RGS6: variants seen among roughly 807,000 people sequenced by gnomAD.
The protein encoded by RGS6 is regulator of G protein signaling 6.
RGS6 carries 30 observed loss-of-function variants against 78.5 expected under a neutral mutation model. That is an observed-to-expected ratio of 0.38 (90% CI 0.29 to 0.52). The LOEUF is 0.52. Ranked by LOEUF, RGS6 falls within the 20% of genes least tolerant of loss-of-function variation. The probability of loss-of-function intolerance (pLI) is 0.85; values close to 1 mark genes in which losing one functional copy is unlikely to be tolerated. For missense variants in RGS6, 495 were observed against 609.7 expected (o/e 0.81, Z 1.98); for synonymous variants, 206 against 206.0 (o/e 1.00, Z 0.00).
At chr14:72,074,895 A>G (rs1192520777) in intron 2 of RGS6, among the ~76,000 whole-genome samples, 1 of 152,232 alleles carries the variant, frequency 6.6e-6, no homozygotes, top group Non-Finnish European at 1.5e-5. Flanking sequence ...TTTTGTCTTC[A>G]GCTGTCAATA....
intron 2 of RGS6, among the ~76,000 whole-genome samples, chr14:72,073,570 C>T (rs1048416953): frequency 6.6e-6 from 1 of 152,184 alleles, no homozygotes; most frequent in African/African-American, 2.4e-5. Flanking sequence ...TCACAGGGCA[C>T]ACTCACGCTC....
chr14:72,128,872 C>T (rs1211251252), intron 2 of RGS6, among the ~76,000 whole-genome samples: 3 of 152,316 alleles, frequency 2.0e-5, no homozygotes, highest in Admixed American at 1.3e-4. Context: ...AGCGACCAGC[C>T]TATTAGTTGC....
At chr14:72,340,334 G>A (rs2239241) in intron 2 of RGS6, among the ~76,000 whole-genome samples, 70,330 of 151,984 alleles carry the variant, frequency 0.46, 16,616 homozygotes, top group South Asian at 0.6. Flanking sequence ...GGCACTATCT[G>A]GAGCAGGGAG....
At chr14:72,493,893 C>A (rs1485099413) in intron 12 of RGS6, among the ~76,000 whole-genome samples, 1 of 152,112 alleles carries the variant, frequency 6.6e-6, no homozygotes, top group East Asian at 1.9e-4. Flanking sequence ...TGCAAGGATT[C>A]TCATGCATCC....
chr14:72,287,878 G>A (rs944000544), intron 2 of RGS6, among the ~76,000 whole-genome samples: 2 of 152,196 alleles, frequency 1.3e-5, no homozygotes, highest in Admixed American at 1.3e-4. Context: ...CCTTCATTCT[G>A]TTAATGTATA....
At chr14:72,255,285 G>A (rs900069750) in intron 2 of RGS6, among the ~76,000 whole-genome samples, 2 of 152,156 alleles carry the variant, frequency 1.3e-5, no homozygotes, top group Non-Finnish European at 2.9e-5. Context: ...GGCCTAGGGT[G>A]CAAGAGCCAC....
intron 2 of RGS6, among the ~76,000 whole-genome samples, chr14:72,326,920 G>A (rs2073922680): frequency 6.6e-6 from 1 of 152,134 alleles, no homozygotes; most frequent in South Asian, 2.1e-4. Context: ...TGTTAGCCAG[G>A]ATGGTCTCAA....
chr14:72,392,003 G>A (rs770688553), intron 3 of RGS6, among the ~76,000 whole-genome samples: 14 of 152,108 alleles, frequency 9.2e-5, no homozygotes, highest in African/African-American at 1.4e-4. Flanking sequence ...TATTATTGAC[G>A]TTTAACATCT....
intron 2 of RGS6, among the ~76,000 whole-genome samples, chr14:72,284,211 C>G (rs1375068946): frequency 6.6e-6 from 1 of 152,178 alleles, no homozygotes; most frequent in East Asian, 1.9e-4. Flanking sequence ...AACCCATTTT[C>G]TGAGGAGAAA....
At chr14:71,989,464 A>G (rs147555365) in intron 2 of RGS6, among the ~76,000 whole-genome samples, 3 of 152,350 alleles carry the variant, frequency 2.0e-5, no homozygotes, top group African/African-American at 7.2e-5. Context: ...CCATTTTTAT[A>G]ATTTCTTCTA....
chr14:72,532,144 C>T (rs2097190180), intron 15 of RGS6, among the ~76,000 whole-genome samples: 1 of 152,210 alleles, frequency 6.6e-6, no homozygotes. Context: ...CTATCAGCAC[C>T]ATTTTTCCAA....
At chr14:72,608,207 T>C in the RGS6 span, among the ~76,000 whole-genome samples, 53 of 152,342 alleles carry the variant, frequency 3.5e-4, no homozygotes, top group African/African-American at 1.2e-3. Context: ...CTTTGTCTTC[T>C]CTGCTGTAGC....
chr14:72,287,612 A>G (rs111887744), intron 2 of RGS6, among the ~76,000 whole-genome samples: 8 of 152,046 alleles, frequency 5.3e-5, no homozygotes, highest in African/African-American at 1.9e-4. Flanking sequence ...ATGTGCCACC[A>G]TGCCTGGCTA....
At chr14:72,232,743 T>C (rs847306) in intron 2 of RGS6, among the ~76,000 whole-genome samples, 151,414 of 152,258 alleles carry the variant, frequency 0.99, 75,293 homozygotes, top group East Asian at 1. Context: ...CAGCAGGCAC[T>C]GTGGGGAGTG....
At position 72,257,334 on chromosome 14, in the gene RGS6, C is replaced by G. The variant is rs554437334; in HGVS notation, c.85-94761C>G. On this transcript the variant is annotated intron_variant, in intron 2 of 17. Transcript: ENST00000553525. ...ATGAGGTTGAGTTCTTCACTTGGTT[C>G]TCAGCTTTAGTGTTGTTAGTATATA... 2.6e-5 allele frequency among the ~76,000 whole-genome samples: 4 copies of G among 152,256 alleles called. No individual in the cohort carries two copies. The South Asian group carries it at 8.3e-4, about 32-fold the overall frequency.
chr14:72,374,335 TG>T (rs1200148239), intron 3 of RGS6, among the ~76,000 whole-genome samples: 1 of 151,428 alleles, frequency 6.6e-6, no homozygotes, highest in Non-Finnish European at 1.5e-5. Flanking sequence ...TGAGAACATG[TG>T]GTGTTTGGTT....
At chr14:72,088,063 A>G (rs1481918306) in intron 2 of RGS6, among the ~76,000 whole-genome samples, 1 of 152,162 alleles carries the variant, frequency 6.6e-6, no homozygotes, top group East Asian at 1.9e-4. Flanking sequence ...GGGCTGAGCA[A>G]AGAGAAGACC....
At chr14:72,428,291 C>T (rs1362933481) in intron 3 of RGS6, among the ~76,000 whole-genome samples, 1 of 152,124 alleles carries the variant, frequency 6.6e-6, no homozygotes, top group Non-Finnish European at 1.5e-5. Context: ...GGCAAAGTTA[C>T]AGGTCACCTA....
chr14:72,452,893 G>A (rs1720835143), intron 3 of RGS6, among the ~76,000 whole-genome samples: 2 of 152,310 alleles, frequency 1.3e-5, no homozygotes, highest in South Asian at 4.2e-4. Flanking sequence ...TTGTTTGCGG[G>A]TCACATTTTC....
Sources: gnomAD v4.1 joint callset for allele counts (sites outside exome capture counted in the v4.1 genomes callset) on GRCh38, gnomAD v4.1.1 for gene constraint, MANE v1.5 for transcripts, NCBI Gene and HGNC (gene_info 2026-07-23, HGNC 2026-07-21) for gene names.